EFCAB10: variants seen among roughly 807,000 people sequenced by gnomAD.
The protein encoded by EFCAB10 is EF-hand calcium binding domain 10.
Under a neutral mutation model 7.7 loss-of-function variants are expected in EFCAB10, and 7 were observed. The ratio of observed to expected loss-of-function variants is 0.91; its 90% CI spans 0.52 to 1.72. The LOEUF is 1.72. Among genes scored for constraint, EFCAB10 ranks in the 40% most tolerant of loss-of-function variants. The pLI, the probability that EFCAB10 is intolerant of heterozygous loss-of-function variation, is 0.00. For missense variants in EFCAB10, 112 were observed against 61.5 expected, an observed-to-expected ratio of 1.82 and a Z score of -2.74; for synonymous variants, 52 against 21.0, an observed-to-expected ratio of 2.47 and a Z score of -4.03.
chr7:105,579,446 T>A (rs1481059810), intron 1 of EFCAB10, among the ~76,000 whole-genome samples: 6 of 152,254 alleles, frequency 3.9e-5, no homozygotes. Context: ...AGGGTATGGA[T>A]GAATTAGTGA....
rs367666777 is a variant in EFCAB10, at chr7:105,567,115, A to T, written c.383+352T>A. ...CATTTCCCTCCTTTGTTTTCCCTAA[A>T]CAGTATAAAAGAAGCCTGTATTGTT... On this transcript the variant is annotated intron_variant, in intron 4 of 4. Transcript: ENST00000480514. 6.6e-7 allele frequency: 1 copy of T among 1,524,166 alleles called. No homozygotes were observed. The highest frequency in any genetic ancestry group is 2.4e-5 in the Admixed American group (1 of 42,210). The allele number at this position is 1,524,166 out of a possible 1,614,324, so 94.4% of individuals were successfully genotyped here.
At chr7:105,565,610 T>A in intron 4 of EFCAB10, 163 bp from the exon 5 acceptor site, 1 of 1,613,564 alleles carries the variant, frequency 6.2e-7, no homozygotes, top group Non-Finnish European at 8.5e-7. Flanking sequence ...TCCCTTTGTT[T>A]TCTCACTATT....
intron 3 of EFCAB10, among the ~76,000 whole-genome samples, chr7:105,568,404 G>T (rs1791847652): frequency 6.6e-6 from 1 of 152,128 alleles, no homozygotes; most frequent in African/African-American, 2.4e-5. Context: ...TTAGCAGTGG[G>T]TTAGTACTTT....
Position 105,581,364 on chromosome 7 carries a change from G to A in EFCAB10, c.100C>T (p.Arg34Trp). The A allele has an allele frequency of 1.4e-6, 1 of 702,926 alleles. No individual in the cohort carries two copies. The highest frequency in any genetic ancestry group is 2.6e-6 in the Non-Finnish European group (1 of 384,940). The allele number at this position is 702,926 out of a possible 1,614,324, so 43.5% of individuals were successfully genotyped here. A position where few individuals can be genotyped will look rare whatever the true frequency, so the allele number is the denominator to read the frequency against. Residue 34 changes from arginine (R) to tryptophan (W), a missense_variant, in exon 1 of 5, where the codon CGG becomes TGG. Transcript: ENST00000480514. The part of the protein sequence containing the change: ...SYLTSALLFF[R>W]PEKPKEYLIS... ...GGGGCATGGGGGCCCTTACCCGGCCGAAAGAAAAGGAGGGCGCTGGTGAGG... is the reference window on the plus strand; with the variant it reads ...GGGGCATGGGGGCCCTTACCCGGCCAAAAGAAAAGGAGGGCGCTGGTGAGG...
At position 105,569,577 on chromosome 7, in the gene EFCAB10, AAAG is replaced by A. The variant is rs538973062; in HGVS notation, c.107-9_107-7del. 79 of 690,524 alleles carry A rather than the reference AAAG, an allele frequency of 1.1e-4. 1 individual carries two copies. Among genetic ancestry groups the A allele is most frequent in the Non-Finnish European group, 8.6e-5 (33 of 381,940 alleles). The allele number at this position is 690,524 out of a possible 1,614,324, so 42.8% of individuals were successfully genotyped here. On this transcript the variant is annotated splice_region_variant and splice_polypyrimidine_tract_variant and intron_variant, in intron 1 of 4. Coordinates refer to ENST00000480514, the MANE Select transcript of EFCAB10 (RefSeq NM_001355526.2). ...TAAATATTCTTTTGGTTTTTCTGCA[AAAG>A]AATAGTTCCAGCTCTTTCTGATACG...
In EFCAB10 at chr7:105,565,585, T is replaced by G; in HGVS notation, c.*-138A>C. ...GGAGCAGCCCAGCTGCAGTTTGATATGACTCGGAATCTTTTCCCTTTGTTT... is the reference window on the plus strand; with the variant it reads ...GGAGCAGCCCAGCTGCAGTTTGATAGGACTCGGAATCTTTTCCCTTTGTTT... On this transcript the variant is annotated intron_variant, in intron 4 of 4. Coordinates refer to ENST00000480514, the MANE Select transcript of EFCAB10 (RefSeq NM_001355526.2). 1 of 1,614,054 alleles carries G rather than the reference T, an allele frequency of 6.2e-7. No individual in the cohort carries two copies. Among genetic ancestry groups the G allele is most frequent in the Non-Finnish European group, 8.5e-7 (1 of 1,179,966 alleles).
chr7:105,572,063 A>T (rs1791963487), intron 1 of EFCAB10: 1 of 152,138 alleles, frequency 6.6e-6, no homozygotes, highest in Admixed American at 6.5e-5. Context: ...ATACTTTTTC[A>T]TGGTGAGAAC....
At chr7:105,573,484 TTA>T (rs1791998205) in intron 1 of EFCAB10, 1 of 152,192 alleles carries the variant, frequency 6.6e-6, no homozygotes, top group Non-Finnish European at 1.5e-5. Context: ...GTTACAATGT[TTA>T]TGTTTGGAGA....
At chr7:105,572,081 A>G (rs1791964880) in intron 1 of EFCAB10, 1 of 152,278 alleles carries the variant, frequency 6.6e-6, no homozygotes, top group South Asian at 2.1e-4. Context: ...AACACTTATA[A>G]TCTACTGTCA....
chr7:105,567,393 C>G, intron 4 of EFCAB10, 74 bp downstream of exon 4: 3 of 963,764 alleles, frequency 3.1e-6, no homozygotes, highest in Non-Finnish European at 4.8e-6. Context: ...TGATGAAATT[C>G]TGAATTAATG....
intron 4 of EFCAB10, chr7:105,566,280 C>T (rs992129527): frequency 6.6e-6 from 1 of 152,062 alleles, no homozygotes; most frequent in African/African-American, 2.4e-5. Context: ...ACCTAATAGG[C>T]CAGGCCTGAA....
intron 3 of EFCAB10, among the ~76,000 whole-genome samples, chr7:105,568,933 G>C (rs1390368122): frequency 2.1e-5 from 3 of 140,364 alleles, no homozygotes; most frequent in Non-Finnish European, 4.5e-5. Context: ...CTGGGCAACA[G>C]AGCAAGACTC....
In EFCAB10 at chr7:105,567,434, A is replaced by G. The variant is rs1184374133; in HGVS notation, c.383+33T>C. The G allele has an allele frequency of 6.6e-6, 5 of 760,254 alleles. No homozygotes were observed. The African/African-American group carries it at 6.9e-5, about 11-fold the overall frequency. 47.1% of individuals were successfully genotyped at this position (760,254 alleles called of 1,614,324 possible). A position where few individuals can be genotyped will look rare whatever the true frequency, so the allele number is the denominator to read the frequency against. On this transcript the variant is annotated intron_variant, in intron 4 of 4. Transcript: ENST00000480514. ...GGAAAACTTTATAGAATTACTTATT[A>G]TCTTGGATTTATGGTGTTATTAAAA...
At position 105,565,403 on chromosome 7, in the gene EFCAB10, TAAAATTTTCTGGC is replaced by T. The variant is rs768922101; in HGVS notation, c.*31_*43del. On this transcript the variant is annotated 3_prime_UTR_variant, in exon 5 of 5. Coordinates refer to ENST00000480514, the MANE Select transcript of EFCAB10 (RefSeq NM_001355526.2). ...AGCAGCAGCTTTGTTTCTCCTTATTTAAAATTTTCTGGCAAATGCTTGTAGAGAAGCTGGATGT... is the reference window on the plus strand; with the variant it reads ...AGCAGCAGCTTTGTTTCTCCTTATTTAAATGCTTGTAGAGAAGCTGGATGT... 2.5e-6 allele frequency: 4 copies of T among 1,614,104 alleles called. No individual in the cohort carries two copies. In the African/African-American group the frequency reaches 4.0e-5, roughly 16 times the overall value.
At chr7:105,572,293 G>C (rs553199496) in intron 1 of EFCAB10, 1 of 152,096 alleles carries the variant, frequency 6.6e-6, no homozygotes, top group Non-Finnish European at 1.5e-5. Flanking sequence ...TTAAGATCAT[G>C]AGGTATTCTT....
At chr7:105,574,535 A>G (rs1408755378) in intron 1 of EFCAB10, among the ~76,000 whole-genome samples, 3 of 151,700 alleles carry the variant, frequency 2.0e-5, no homozygotes, top group Non-Finnish European at 4.4e-5. Context: ...CCCAGGCTGG[A>G]GTGCAGAGGC....
intron 1 of EFCAB10, among the ~76,000 whole-genome samples, chr7:105,579,994 A>G (rs1379149908): frequency 8.2e-6 from 1 of 121,426 alleles, no homozygotes; most frequent in Admixed American, 7.8e-5. Flanking sequence ...ATTTGTCTTT[A>G]TTTTTAGTTT....
Position 105,569,700 on chromosome 7 carries a change from A to G in EFCAB10, c.107-129T>C. On this transcript the variant is annotated intron_variant, in intron 1 of 4. Transcript: ENST00000480514. ...ACTAGGCGCTGGGGACACAGGCCTT[A>G]GTTTTCATAAACAGTCCAGCAAGAA... 4 of 589,550 alleles carry G rather than the reference A, an allele frequency of 6.8e-6. No homozygotes were observed. In the South Asian group the frequency reaches 8.8e-5, roughly 13 times the overall value. 36.5% of individuals were successfully genotyped at this position (589,550 alleles called of 1,614,324 possible). A position where few individuals can be genotyped will look rare whatever the true frequency, so the allele number is the denominator to read the frequency against.
At chr7:105,567,110 C>A in intron 4 of EFCAB10, 1 of 1,512,382 alleles carries the variant, frequency 6.6e-7, no homozygotes, top group Non-Finnish European at 8.8e-7. Context: ...CTTTGTTTTC[C>A]CTAAACAGTA....
Sources: gnomAD v4.1 joint callset for allele counts (sites outside exome capture counted in the v4.1 genomes callset) on GRCh38, gnomAD v4.1.1 for gene constraint, MANE v1.5 for transcripts, NCBI Gene and HGNC (gene_info 2026-07-23, HGNC 2026-07-21) for gene names.